The following SLC1A7 variants were observed in gnomAD, a reference collection of about 807,000 sequenced individuals.
The protein encoded by SLC1A7 is excitatory amino acid transporter 5.
A neutral mutation model predicts 47.7 loss-of-function variants in SLC1A7; 40 were observed. The observed-to-expected ratio is 0.84, with a 90% CI of 0.65 to 1.09. The LOEUF is 1.09. Among genes scored for constraint, SLC1A7 ranks in the 50% least tolerant of loss-of-function variants. SLC1A7 has a pLI of 0.00. For synonymous variants in SLC1A7, 323 were observed against 325.6 expected (o/e 0.99, Z 0.09); for missense variants, 746 against 769.5 (o/e 0.97, Z 0.36).
chr1:53,141,432 T>C (rs1246593980), intron 1 of SLC1A7, among the ~76,000 whole-genome samples: 1 of 152,080 alleles, frequency 6.6e-6, no homozygotes, highest in Non-Finnish European at 1.5e-5. Context: ...ACAATAGTCC[T>C]GAATAGAGCC....
intron 3 of SLC1A7, among the ~76,000 whole-genome samples, chr1:53,113,127 TG>T (rs1364208948): frequency 2.0e-5 from 3 of 152,206 alleles, no homozygotes; most frequent in African/African-American, 7.2e-5. Context: ...GGAGTTTTAA[TG>T]TTAGGCCTAG....
chr1:53,092,866 C>A, intron 6 of SLC1A7, 79 bp from the exon 7 acceptor site: 1 of 949,564 alleles, frequency 1.1e-6, no homozygotes, highest in Non-Finnish European at 1.7e-6. Flanking sequence ...CGCTGCGCGG[C>A]CTTCCCCCTG....
At chr1:53,139,804 G>A (rs180907239) in intron 1 of SLC1A7, among the ~76,000 whole-genome samples, 199 of 151,756 alleles carry the variant, frequency 1.3e-3, no homozygotes, top group South Asian at 4.6e-3. Flanking sequence ...TATTCTTGGT[G>A]GTTTTACCTT....
rs544589276 is a variant in SLC1A7, at chr1:53,106,521, G to A, written c.432-747C>T. ...CAGGAGGCTGAGGCAGGAGAATGGC[G>A]TGAACCCGGCGGAGCTTGCAGTGAG... On this transcript the variant is annotated intron_variant, in intron 3 of 10. Coordinates refer to ENST00000371494, the MANE Select transcript of SLC1A7 (RefSeq NM_006671.6). 2.0e-4 allele frequency among the ~76,000 whole-genome samples: 30 copies of A among 151,172 alleles called. No homozygotes were observed. The East Asian group carries it at 5.3e-3, about 27-fold the overall frequency.
intron 2 of SLC1A7, among the ~76,000 whole-genome samples, chr1:53,124,060 G>A (rs1312415153): frequency 2.0e-5 from 3 of 152,244 alleles, no homozygotes; most frequent in African/African-American, 7.2e-5. Flanking sequence ...AGACTTTGAC[G>A]GCTGCTTGGC....
chr1:53,098,851 T>A (rs1483751269), intron 5 of SLC1A7, among the ~76,000 whole-genome samples: 2 of 131,510 alleles, frequency 1.5e-5, no homozygotes, highest in Admixed American at 1.5e-4. Flanking sequence ...TTGGTACACT[T>A]ACACACTCTG....
intron 2 of SLC1A7, among the ~76,000 whole-genome samples, chr1:53,119,342 T>A (rs1446748299): frequency 6.6e-6 from 1 of 152,150 alleles, no homozygotes; most frequent in African/African-American, 2.4e-5. Flanking sequence ...GTTTGGGCTA[T>A]GATTTTATTT....
At chr1:53,129,428 C>T (rs1330640683) in intron 2 of SLC1A7, among the ~76,000 whole-genome samples, 4 of 152,138 alleles carry the variant, frequency 2.6e-5, no homozygotes, top group Non-Finnish European at 5.9e-5. Context: ...CAACCACCCC[C>T]GCCCATGCTT....
Position 53,090,638 on chromosome 1 carries a change from C to T in SLC1A7, c.1200G>A (p.Leu400=). 1 of 1,602,980 alleles carries T rather than the reference C, an allele frequency of 6.2e-7. No homozygotes were observed. Among genetic ancestry groups the T allele is most frequent in the Non-Finnish European group, 8.5e-7 (1 of 1,172,642 alleles). The part of the protein sequence containing the change: ...IFIAQVNNYE[L]DFGQIITISI... ...TGATGGTGATGATCTGGCCAAAGTC[C>T]AGCTCGTAGTTGTTGACCTGGGCGA... Residue 400 remains leucine, a synonymous_variant, in exon 8 of 11, where the codon CTG becomes CTA. Transcript: ENST00000371494.
Position 53,117,748 on chromosome 1 carries a change from C to A in SLC1A7, c.216-2775G>T, listed in dbSNP as rs554672499. 2.0e-5 allele frequency among the ~76,000 whole-genome samples: 3 copies of A among 152,344 alleles called. No homozygotes were observed. The East Asian group carries it at 5.8e-4, about 29-fold the overall frequency. ...GATAAAGGCCCCTCAGAAGGCCCCC[C>A]ACCGGGGACGAAGAGGCCTAACACG... On this transcript the variant is annotated intron_variant, in intron 2 of 10. Transcript: ENST00000371494.
chr1:53,093,667 C>T lies in SLC1A7; in HGVS notation c.698-107G>A, dbSNP rs144769386. ...AGCAGCCTTGATGCTCCAGCACTCC[C>T]CCCACTCCCCCCACTCTCTCTCTCC... On this transcript the variant is annotated intron_variant, in intron 5 of 10. Transcript: ENST00000371494. 42 of 702,138 alleles carry T rather than the reference C, an allele frequency of 6.0e-5. 1 individual carries two copies. In the African/African-American group the frequency reaches 7.0e-4, roughly 12 times the overall value. 43.5% of individuals were successfully genotyped at this position (702,138 alleles called of 1,614,324 possible). A position where few individuals can be genotyped will look rare whatever the true frequency, so the allele number is the denominator to read the frequency against.
rs1644741191 is a variant in SLC1A7 at position 53,114,923 on chromosome 1, C to T, written c.266G>A (p.Gly89Asp). ...CAGGTAGTACGCCACGGTGAGGACG[C>T]CCAGGCGGCTAGAGGTCTTGGCATC... ...SLDAKTSSRLGVLTVAYYLWT... is the reference protein window; with the variant it reads ...SLDAKTSSRLDVLTVAYYLWT... The change falls in exon 3 of 11, where the codon GGC becomes GAC. Residue 89 changes from glycine (G) to aspartate (D), a missense_variant. Transcript: ENST00000371494. 3 of 1,614,144 alleles carry T rather than the reference C, an allele frequency of 1.9e-6. No homozygotes were observed. Among genetic ancestry groups the T allele is most frequent in the Admixed American group, 3.3e-5 (2 of 60,026 alleles).
At chr1:53,115,387 G>GATAC in intron 2 of SLC1A7, 1 of 208,556 alleles carries the variant, frequency 4.8e-6, no homozygotes, top group Non-Finnish European at 9.7e-6. Flanking sequence ...GACCAAGCTT[G>GATAC]GTCTACCTCT....
chr1:53,131,674 C>T (rs1016730391), intron 2 of SLC1A7, among the ~76,000 whole-genome samples: 8 of 152,262 alleles, frequency 5.3e-5, no homozygotes, highest in African/African-American at 1.9e-4. Flanking sequence ...ATTGCAGGAT[C>T]CATTAATTAA....
At position 53,103,517 on chromosome 1, in the gene SLC1A7, C is replaced by T. The variant is rs745618377; in HGVS notation, c.526G>A (p.Glu176Lys). The change falls in exon 5 of 11, where the codon GAG (glutamate) becomes AAG (lysine). Residue 176 changes from glutamate (E) to lysine (K), a missense_variant. Coordinates refer to ENST00000371494, the MANE Select transcript of SLC1A7 (RefSeq NM_006671.6). Reference protein sequence around the residue: ...VVKSPKVAPEEAPPRRILIYG... With the variant: ...VVKSPKVAPEKAPPRRILIYG... ...ATGAGGATCCGCCGAGGAGGGGCCT[C>T]CTCTGGTGCCACCTTGGGGGACTTG... is the stretch of plus-strand genomic sequence containing the variant. 1.7e-5 allele frequency: 27 copies of T among 1,611,782 alleles called. No homozygotes were observed. In the East Asian group the frequency reaches 3.3e-4, roughly 20 times the overall value.
intron 5 of SLC1A7, 46 bp from the exon 6 acceptor site, chr1:53,093,606 A>G (rs1381166030): frequency 2.0e-6 from 3 of 1,465,898 alleles, no homozygotes; most frequent in Admixed American, 3.9e-5. Context: ...GGACAGACCC[A>G]CAGGCCCACA....
chr1:53,090,080 T>C lies in SLC1A7; in HGVS notation c.1227-146A>G, dbSNP rs6657444. 7.3e-4 allele frequency: 577 copies of C among 788,592 alleles called. 2 individuals are homozygous for C. The African/African-American group carries it at 8.0e-3, about 11-fold the overall frequency. 48.8% of individuals were successfully genotyped at this position (788,592 alleles called of 1,614,324 possible). Reference sequence around the variant, plus strand: ...GGGTAGGAATGCCACACCAGGGAGCTCTCGGGGTCAAGTCCCTCCTCACAG... The same window carrying C: ...GGGTAGGAATGCCACACCAGGGAGCCCTCGGGGTCAAGTCCCTCCTCACAG... On this transcript the variant is annotated intron_variant, in intron 8 of 10. Coordinates refer to ENST00000371494, the MANE Select transcript of SLC1A7 (RefSeq NM_006671.6).
chr1:53,100,969 G>GCACACAC (rs1644570357), intron 5 of SLC1A7, among the ~76,000 whole-genome samples: 1 of 148,668 alleles, frequency 6.7e-6, no homozygotes, highest in Non-Finnish European at 1.5e-5. Context: ...CCGCACCTTG[G>GCACACAC]TCCACTCACA....
At chr1:53,119,682 T>A (rs1422717594) in intron 2 of SLC1A7, among the ~76,000 whole-genome samples, 1 of 152,148 alleles carries the variant, frequency 6.6e-6, no homozygotes, top group African/African-American at 2.4e-5. Context: ...CCAGCCCATG[T>A]AAAGCCATTT....
Sources: allele counts gnomAD v4.1 joint callset (sites outside exome capture counted in the v4.1 genomes callset), GRCh38; gene constraint gnomAD v4.1.1; transcripts MANE v1.5; gene names NCBI Gene and HGNC (gene_info 2026-07-23, HGNC 2026-07-21).